Variants in IARS2 observed in about 807,000 individuals in gnomAD.
IARS2 encodes the protein isoleucine--tRNA ligase, mitochondrial.
In IARS2, 56 loss-of-function variants were observed where a neutral mutation model predicts 126.3. That is an observed-to-expected ratio of 0.44 (90% CI 0.36 to 0.55). IARS2 has a LOEUF of 0.55. IARS2 is among the 20% of genes least tolerant of loss of function. The pLI, the probability that IARS2 is intolerant of heterozygous loss-of-function variation, is 0.00. For synonymous variants in IARS2, 407 were observed against 441.1 expected (o/e 0.92, Z 0.97); for missense variants, 1,127 against 1,245.9 (o/e 0.90, Z 1.44).
In IARS2 at chr1:220,124,328, G is replaced by C. The variant is rs963593406; in HGVS notation, c.1641-909G>C. The stretch of plus-strand genomic sequence containing the variant: ...ATACGACCAGTTCTGTTATTTATTT[G>C]ATAGGGGTTGATTGGCTTTCTGTCA... On this transcript the variant is annotated intron_variant, in intron 12 of 22. Coordinates refer to ENST00000366922, the MANE Select transcript of IARS2 (RefSeq NM_018060.4). Among the ~76,000 whole-genome samples, 7 of 152,084 alleles carry C rather than the reference G, an allele frequency of 4.6e-5. 1 individual carries two copies. The highest frequency in any genetic ancestry group is 8.8e-5 in the Non-Finnish European group (6 of 68,014).
chr1:220,145,772 T>A, intron 22 of IARS2, 119 bp downstream of exon 22: 1 of 750,292 alleles, frequency 1.3e-6, no homozygotes, highest in Non-Finnish European at 2.0e-6. Flanking sequence ...GAATACATCT[T>A]TCTATGGAAA....
At position 220,147,502 on chromosome 1, in the gene IARS2, T is replaced by A; in HGVS notation, c.2906T>A (p.Ile969Asn). The part of the protein sequence containing the change: ...KFLINLEGGD[I>N]REESSYKVIV... ...ATGTATTTTTTTATAGGTGGTGATA[T>A]TCGTGAAGAGTCTTCCTATAAAGTA... The change falls in exon 23 of 23, where the codon ATT (isoleucine) becomes AAT (asparagine). Residue 969 changes from isoleucine to asparagine, a missense_variant. Coordinates refer to ENST00000366922, the MANE Select transcript of IARS2 (RefSeq NM_018060.4). 1 of 1,614,092 alleles carries A rather than the reference T, an allele frequency of 6.2e-7. No homozygotes were observed. The highest frequency in any genetic ancestry group is 1.3e-5 in the African/African-American group (1 of 75,050).
intron 18 of IARS2, among the ~76,000 whole-genome samples, chr1:220,139,577 C>A (rs1024054511): frequency 6.6e-6 from 1 of 152,060 alleles, no homozygotes; most frequent in South Asian, 2.1e-4. Context: ...AGAGCAGGAA[C>A]CTATCTCTAG....
At chr1:220,131,498 T>C (rs1657266320) in intron 14 of IARS2, among the ~76,000 whole-genome samples, 1 of 152,088 alleles carries the variant, frequency 6.6e-6, no homozygotes, top group Non-Finnish European at 1.5e-5. Flanking sequence ...ACTACAGGCA[T>C]GAGCCATCAC....
chr1:220,145,786 T>TA, intron 22 of IARS2, 133 bp downstream of exon 22: 1 of 743,502 alleles, frequency 1.3e-6, no homozygotes. Flanking sequence ...ATGGAAATAA[T>TA]AAAAACAATT....
At position 220,143,151 on chromosome 1, in the gene IARS2, A is replaced by G; in HGVS notation, c.2751+17A>G. The G allele has an allele frequency of 1.3e-6, 2 of 1,590,732 alleles. No homozygotes were observed. Among genetic ancestry groups the G allele is most frequent in the Non-Finnish European group, 1.7e-6 (2 of 1,162,506 alleles). The stretch of plus-strand genomic sequence containing the variant: ...ATAATAGAGGTATGCAGCAATATGT[A>G]CCTTTTGAAATGGTGTTAGTATCAT... On this transcript the variant is annotated intron_variant, in intron 21 of 22. Coordinates refer to ENST00000366922, the MANE Select transcript of IARS2 (RefSeq NM_018060.4).
intron 2 of IARS2, among the ~76,000 whole-genome samples, chr1:220,098,317 A>G (rs1030577999): frequency 6.6e-6 from 1 of 152,196 alleles, no homozygotes; most frequent in Non-Finnish European, 1.5e-5. Flanking sequence ...TGCTAATTAT[A>G]GTCTTGCTTG....
chr1:220,143,986 C>G lies in IARS2; in HGVS notation c.2751+852C>G. 7.9e-6 allele frequency: 12 copies of G among 1,513,550 alleles called. No homozygotes were observed. The South Asian group carries it at 1.2e-4, about 16-fold the overall frequency. The allele number at this position is 1,513,550 out of a possible 1,614,324, so 93.8% of individuals were successfully genotyped here. On this transcript the variant is annotated intron_variant, in intron 21 of 22. Transcript: ENST00000366922. ...GAAAAAGAATCCCAGGATTTTCCCT[C>G]CTGTGTGTTTTCATCTTGCTTCTTC...
At chr1:220,118,311 C>T (rs1345720921) in intron 12 of IARS2, 1 of 311,700 alleles carries the variant, frequency 3.2e-6, no homozygotes, top group Non-Finnish European at 6.6e-6. Flanking sequence ...ACTTGTTTCA[C>T]AGAAGAAAGT....
chr1:220,113,638 T>G (rs76069151), intron 11 of IARS2, among the ~76,000 whole-genome samples: 6,862 of 146,790 alleles, frequency 0.047, 203 homozygotes, highest in African/African-American at 0.099. Context: ...TATATATATA[T>G]AGAGAGAGAG....
At chr1:220,100,226 A>G (rs557019828) in intron 2 of IARS2, among the ~76,000 whole-genome samples, 33 of 152,332 alleles carry the variant, frequency 2.2e-4, no homozygotes, top group African/African-American at 7.0e-4. Flanking sequence ...GTACACTGTA[A>G]GTTCTGCAAT....
intron 14 of IARS2, among the ~76,000 whole-genome samples, chr1:220,131,208 G>A (rs1384192473): frequency 2.6e-5 from 4 of 151,876 alleles, no homozygotes; most frequent in African/African-American, 4.8e-5. Flanking sequence ...ACAGAGTCTC[G>A]CTGTGTCGCC....
At position 220,114,240 on chromosome 1, in the gene IARS2, AT is replaced by A. The variant is rs1277611785; in HGVS notation, c.1480-71del. On this transcript the variant is annotated intron_variant, in intron 11 of 22. Coordinates refer to ENST00000366922, the MANE Select transcript of IARS2 (RefSeq NM_018060.4). ...ACAAACATCCAAAAGAAACAAATGCATTTGGAAAATTGACTGTTCTAGAATA... is the reference window on the plus strand; with the variant it reads ...ACAAACATCCAAAAGAAACAAATGCATTGGAAAATTGACTGTTCTAGAATA... The A allele has an allele frequency of 2.5e-5, 34 of 1,338,956 alleles. No individual in the cohort carries two copies. The African/African-American group carries it at 4.2e-4, about 16-fold the overall frequency. 82.9% of individuals were successfully genotyped at this position (1,338,956 alleles called of 1,614,324 possible).
rs555379660 is a variant in IARS2, at chr1:220,143,249, A to G, written c.2751+115A>G. The G allele has an allele frequency of 3.1e-4, 181 of 584,086 alleles. 1 individual carries two copies. Among genetic ancestry groups the G allele is most frequent in the African/African-American group, 2.7e-3 (149 of 54,404 alleles). 36.2% of individuals were successfully genotyped at this position (584,086 alleles called of 1,614,324 possible). ...ATAACATTGGGTTATGTGTAACTTT[A>G]CTATGCAATTATTCTATTATGTTCC... On this transcript the variant is annotated intron_variant, in intron 21 of 22. Transcript: ENST00000366922.
intron 21 of IARS2, among the ~76,000 whole-genome samples, chr1:220,144,574 G>T (rs1185259942): frequency 6.6e-6 from 1 of 152,172 alleles, no homozygotes; most frequent in Non-Finnish European, 1.5e-5. Context: ...TTTTACAAGT[G>T]AGGAAGTGAG....
At chr1:220,102,069 C>A in intron 3 of IARS2, 60 bp from the exon 4 acceptor site, 1 of 1,474,020 alleles carries the variant, frequency 6.8e-7, no homozygotes, top group Non-Finnish European at 9.3e-7. Context: ...ACATGCTAAA[C>A]CATGTTTAAG....
chr1:220,140,195 T>C lies in IARS2; in HGVS notation c.2320T>C (p.Tyr774His), dbSNP rs976031801. Reference sequence around the variant, plus strand: ...CTTTGTTCCCTAGATTACCGAATTATACAAACAATATGATTTTGGAAAAGT... The same window carrying C: ...CTTTGTTCCCTAGATTACCGAATTACACAAACAATATGATTTTGGAAAAGT... Reference protein sequence around the residue: ...QDLANKITELYKQYDFGKVVR... With the variant: ...QDLANKITELHKQYDFGKVVR... The change falls in exon 19 of 23, where the codon TAC (tyrosine) becomes CAC (histidine). Residue 774 changes from tyrosine (Y) to histidine (H), a missense_variant. Coordinates refer to ENST00000366922, the MANE Select transcript of IARS2 (RefSeq NM_018060.4). The C allele has an allele frequency of 2.9e-5, 47 of 1,608,828 alleles. No individual in the cohort carries two copies. Among genetic ancestry groups the C allele is most frequent in the Non-Finnish European group, 4.0e-5 (47 of 1,175,356 alleles).
At chr1:220,126,119 AAAAAG>A (rs1657151532) in intron 13 of IARS2, among the ~76,000 whole-genome samples, 1 of 151,148 alleles carries the variant, frequency 6.6e-6, no homozygotes, top group African/African-American at 2.4e-5. Context: ...AAAAAAAAAA[AAAAAG>A]AAAAAGAAAA....
intron 16 of IARS2, 147 bp downstream of exon 16, chr1:220,137,058 G>C: frequency 1.8e-6 from 1 of 543,532 alleles, no homozygotes; most frequent in East Asian, 3.2e-5. Context: ...AGAAGGCAGA[G>C]GCTGGGATTG....
Sources: allele counts gnomAD v4.1 joint callset (sites outside exome capture counted in the v4.1 genomes callset), GRCh38; gene constraint gnomAD v4.1.1; transcripts MANE v1.5; gene names NCBI Gene and HGNC (gene_info 2026-07-23, HGNC 2026-07-21).